The following GRIK1 variants were observed in gnomAD, a reference collection of about 807,000 sequenced individuals.
The protein encoded by GRIK1 is glutamate receptor ionotropic, kainate 1.
Under a neutral mutation model 105.7 loss-of-function variants are expected in GRIK1, and 69 were observed. That is an observed-to-expected ratio of 0.65 (90% CI 0.54 to 0.80). The LOEUF is 0.80. Ranked by LOEUF, GRIK1 falls within the 30% of genes least tolerant of loss-of-function variation. GRIK1 has a pLI of 0.00. For missense variants in GRIK1, 1,109 were observed against 1,167.3 expected (o/e 0.95, Z 0.73); for synonymous variants, 438 against 431.3 (o/e 1.02, Z -0.19).
intron 1 of GRIK1, among the ~76,000 whole-genome samples, chr21:29,808,973 A>T: frequency 6.6e-6 from 1 of 152,172 alleles, no homozygotes; most frequent in Non-Finnish European, 1.5e-5. Flanking sequence ...GTTTCTATTT[A>T]ATAATTGGCT....
At chr21:29,809,001 C>A (rs965108313) in intron 1 of GRIK1, among the ~76,000 whole-genome samples, 1 of 152,146 alleles carries the variant, frequency 6.6e-6, no homozygotes, top group African/African-American at 2.4e-5. Flanking sequence ...CCATCCTTGA[C>A]AATTTTTTCC....
At chr21:29,861,316 T>TC (rs1226143865) in intron 1 of GRIK1, among the ~76,000 whole-genome samples, 3 of 151,490 alleles carry the variant, frequency 2.0e-5, no homozygotes, top group Non-Finnish European at 4.4e-5. Flanking sequence ...ACTCTTTTTT[T>TC]TTCTTTTGGA....
At chr21:29,755,343 TTAGG>T (rs2065309797) in intron 1 of GRIK1, among the ~76,000 whole-genome samples, 1 of 152,210 alleles carries the variant, frequency 6.6e-6, no homozygotes, top group African/African-American at 2.4e-5. Flanking sequence ...AAGGGAGAAC[TTAGG>T]GATGAGAACA....
chr21:29,577,414 A>C (rs911404726), intron 13 of GRIK1, among the ~76,000 whole-genome samples: 2 of 152,230 alleles, frequency 1.3e-5, no homozygotes, highest in Non-Finnish European at 2.9e-5. Flanking sequence ...GTATTAAAAC[A>C]GTTTTAACCT....
intron 7 of GRIK1, among the ~76,000 whole-genome samples, chr21:29,625,159 A>G (rs1026702186): frequency 1.3e-5 from 2 of 152,212 alleles, no homozygotes; most frequent in African/African-American, 2.4e-5. Flanking sequence ...AGCACATCGT[A>G]ATATATACCT....
chr21:29,610,615 T>C (rs930163469), intron 7 of GRIK1, among the ~76,000 whole-genome samples: 1 of 152,116 alleles, frequency 6.6e-6, no homozygotes, highest in Non-Finnish European at 1.5e-5. Flanking sequence ...CTCTACAGCA[T>C]CCAGAAAGAA....
chr21:29,540,491 C>T (rs1379907787), intron 16 of GRIK1, among the ~76,000 whole-genome samples: 3 of 152,174 alleles, frequency 2.0e-5, no homozygotes, highest in Non-Finnish European at 4.4e-5. Context: ...AGGCCTCTCC[C>T]AGCCATGAGC....
rs958097367 is a variant in GRIK1 at position 29,767,900 on chromosome 21, G to A, written c.119-73837C>T. ...TGTGTGTGTGTGTGTGTGTGTGTGT[G>A]TGTATGTATTCCATGTAATGGAAAG... On this transcript the variant is annotated intron_variant, in intron 1 of 17. Coordinates refer to ENST00000327783, the MANE Select transcript of GRIK1 (RefSeq NM_001330994.2). Among the ~76,000 whole-genome samples the A allele has an allele frequency of 6.7e-4, 84 of 126,280 alleles. 1 individual carries two copies. The highest frequency in any genetic ancestry group is 9.7e-4 in the Non-Finnish European group (55 of 56,774). 82.8% of individuals were successfully genotyped at this position (126,280 alleles called of 152,430 possible).
intron 1 of GRIK1, among the ~76,000 whole-genome samples, chr21:29,705,251 A>C (rs2146784940): frequency 6.6e-6 from 1 of 152,364 alleles, no homozygotes; most frequent in African/African-American, 2.4e-5. Flanking sequence ...AGAGCAGTAT[A>C]TACCGATGTG....
rs1355807174 is a variant in GRIK1 at position 29,668,578 on chromosome 21, T to C, written c.726+4405A>G. Among the ~76,000 whole-genome samples the C allele has an allele frequency of 2.0e-5, 3 of 152,262 alleles. No homozygotes were observed. The East Asian group carries it at 5.8e-4, about 29-fold the overall frequency. ...TGGTGTTTTCTATTTAAGTGTATGC[T>C]CAGTATATGGTAGATAAAATTGGCT... On this transcript the variant is annotated intron_variant, in intron 4 of 17. Transcript: ENST00000327783.
chr21:29,772,368 C>T (rs1259916913), intron 1 of GRIK1, among the ~76,000 whole-genome samples: 3 of 152,218 alleles, frequency 2.0e-5, no homozygotes, highest in Non-Finnish European at 4.4e-5. Context: ...TTGTCTACAA[C>T]AGCATCAACA....
intron 1 of GRIK1, among the ~76,000 whole-genome samples, chr21:29,906,011 T>A (rs954432056): frequency 2.6e-5 from 4 of 151,772 alleles, no homozygotes; most frequent in African/African-American, 9.7e-5. Context: ...CATTTTGGGG[T>A]GGTGTAATTT....
At chr21:29,606,018 CAAAA>C (rs34512911) in intron 7 of GRIK1, among the ~76,000 whole-genome samples, 5 of 128,028 alleles carry the variant, frequency 3.9e-5, no homozygotes, top group Admixed American at 7.7e-5. Context: ...GAAAATGAAG[CAAAA>C]AAAAAAAAAA....
intron 1 of GRIK1, among the ~76,000 whole-genome samples, chr21:29,816,023 G>A (rs2067146003): frequency 6.6e-6 from 1 of 151,960 alleles, no homozygotes; most frequent in Admixed American, 6.6e-5. Context: ...CTATTGATGG[G>A]AAAAAATACC....
chr21:29,686,331 A>G (rs940002243), intron 3 of GRIK1, among the ~76,000 whole-genome samples: 10 of 152,230 alleles, frequency 6.6e-5, no homozygotes, highest in Non-Finnish European at 1.3e-4. Flanking sequence ...CCAATGAACC[A>G]GAATATCACC....
At chr21:29,878,866 C>G (rs1006955274) in intron 1 of GRIK1, among the ~76,000 whole-genome samples, 1 of 152,016 alleles carries the variant, frequency 6.6e-6, no homozygotes, top group Non-Finnish European at 1.5e-5. Flanking sequence ...TTATAAGTCA[C>G]CGATTTTTAT....
intron 1 of GRIK1, among the ~76,000 whole-genome samples, chr21:29,890,552 T>C (rs2069856716): frequency 6.6e-6 from 1 of 152,144 alleles, no homozygotes; most frequent in African/African-American, 2.4e-5. Flanking sequence ...AGTACAGTTG[T>C]AGATCTGTCT....
chr21:29,724,692 A>G (rs1326492901), intron 1 of GRIK1, among the ~76,000 whole-genome samples: 1 of 152,198 alleles, frequency 6.6e-6, no homozygotes, highest in Non-Finnish European at 1.5e-5. Flanking sequence ...TGAAATAAAT[A>G]CTTTCCCCAG....
At chr21:29,769,254 G>A (rs2145727576) in intron 1 of GRIK1, among the ~76,000 whole-genome samples, 1 of 152,240 alleles carries the variant, frequency 6.6e-6, no homozygotes, top group East Asian at 1.9e-4. Context: ...GAGGTCACTA[G>A]GATGGGCCCT....
Sources: gnomAD v4.1 joint callset for allele counts (sites outside exome capture counted in the v4.1 genomes callset) on GRCh38, gnomAD v4.1.1 for gene constraint, MANE v1.5 for transcripts, NCBI Gene and HGNC (gene_info 2026-07-23, HGNC 2026-07-21) for gene names.